The following SUGCT variants were observed in gnomAD, a reference collection of about 807,000 sequenced individuals.
SUGCT encodes the protein succinyl-CoA:glutarate-CoA transferase, also known as succinyl-CoA:glutarate CoA-transferase.
A neutral mutation model predicts 55.0 loss-of-function variants in SUGCT; 41 were observed. The ratio of observed to expected loss-of-function variants is 0.74; its 90% CI spans 0.58 to 0.97. SUGCT has a LOEUF of 0.97. Ranked by LOEUF, SUGCT falls within the 50% of genes least tolerant of loss-of-function variation. The pLI, the probability that SUGCT is intolerant of heterozygous loss-of-function variation, is 0.00. For synonymous variants in SUGCT, 187 were observed against 200.4 expected, an observed-to-expected ratio of 0.93 and a Z score of 0.56; for missense variants, 568 against 547.8, an observed-to-expected ratio of 1.04 and a Z score of -0.37.
chr7:40,983,688 A>G, the SUGCT span, among the ~76,000 whole-genome samples: 1 of 152,202 alleles, frequency 6.6e-6, no homozygotes, highest in South Asian at 2.1e-4. Context: ...AGTGCGGTTT[A>G]TCCACAGTTT....
intron 8 of SUGCT, among the ~76,000 whole-genome samples, chr7:40,314,472 T>C (rs1034077747): frequency 6.7e-6 from 1 of 149,508 alleles, no homozygotes; most frequent in Non-Finnish European, 1.5e-5. Context: ...CATAGCTAGA[T>C]CTGAAAAGAG....
chr7:40,296,127 T>A (rs1241528662), intron 8 of SUGCT, among the ~76,000 whole-genome samples: 1 of 152,214 alleles, frequency 6.6e-6, no homozygotes, highest in Non-Finnish European at 1.5e-5. Context: ...TTTGGGTTGG[T>A]CTTGTCTGAA....
Position 40,237,758 on chromosome 7 carries a change from T to A in SUGCT, c.576+32T>A, listed in dbSNP as rs529386057. 1.7e-5 allele frequency: 27 copies of A among 1,576,484 alleles called. No individual in the cohort carries two copies. The East Asian group carries it at 3.6e-4, about 21-fold the overall frequency. On this transcript the variant is annotated intron_variant, in intron 7 of 13. Coordinates refer to ENST00000335693, the MANE Select transcript of SUGCT (RefSeq NM_001193313.2). ...ATCCTTCCTTAGAATATTCATAATT[T>A]CTTCCCTTACATATTCCAAAAGGAT...
the SUGCT span, among the ~76,000 whole-genome samples, chr7:41,024,453 A>C: frequency 6.6e-6 from 1 of 152,220 alleles, no homozygotes; most frequent in African/African-American, 2.4e-5. Flanking sequence ...CTTAACCAAC[A>C]AAGAATCCAT....
intron 12 of SUGCT, among the ~76,000 whole-genome samples, chr7:40,508,620 C>T (rs1227996421): frequency 1.3e-5 from 2 of 152,022 alleles, no homozygotes; most frequent in Admixed American, 6.6e-5. Context: ...TGGACCCTCA[C>T]CATTCTTACT....
At chr7:40,373,338 T>C (rs563357917) in intron 9 of SUGCT, among the ~76,000 whole-genome samples, 9 of 152,146 alleles carry the variant, frequency 5.9e-5, no homozygotes, top group African/African-American at 1.7e-4. Context: ...CTAGAAAATT[T>C]AGAATCTATA....
chr7:40,583,351 A>G (rs1204180878), intron 12 of SUGCT, among the ~76,000 whole-genome samples: 3 of 152,084 alleles, frequency 2.0e-5, no homozygotes, highest in African/African-American at 7.2e-5. Context: ...CAATTTTAGA[A>G]ACTCTTCTTT....
At chr7:40,560,577 C>T (rs1262457675) in intron 12 of SUGCT, among the ~76,000 whole-genome samples, 2 of 152,194 alleles carry the variant, frequency 1.3e-5, no homozygotes, top group Admixed American at 6.5e-5. Flanking sequence ...AAATCCAATA[C>T]TCCAAGGATC....
the SUGCT span, among the ~76,000 whole-genome samples, chr7:40,890,259 A>G: frequency 7.0e-6 from 1 of 143,768 alleles, no homozygotes; most frequent in African/African-American, 2.5e-5. Context: ...TTATATATTT[A>G]TATTATATAA....
At chr7:40,503,507 C>A (rs973208863) in intron 12 of SUGCT, among the ~76,000 whole-genome samples, 1 of 151,840 alleles carries the variant, frequency 6.6e-6, no homozygotes. Flanking sequence ...ATCAATGAAA[C>A]ATAAAGAAAA....
At chr7:40,457,115 C>T (rs1789532202) in intron 10 of SUGCT, among the ~76,000 whole-genome samples, 1 of 151,616 alleles carries the variant, frequency 6.6e-6, no homozygotes, top group Admixed American at 6.6e-5. Flanking sequence ...AGAGCCCTCC[C>T]TCCTTTCTTT....
At chr7:40,180,460 A>G (rs1785134560) in intron 1 of SUGCT, among the ~76,000 whole-genome samples, 1 of 151,606 alleles carries the variant, frequency 6.6e-6, no homozygotes, top group Non-Finnish European at 1.5e-5. Flanking sequence ...GGCTCATTTC[A>G]AGGACAGAAT....
the SUGCT span, among the ~76,000 whole-genome samples, chr7:40,998,575 C>G: frequency 6.6e-6 from 1 of 152,210 alleles, no homozygotes; most frequent in Non-Finnish European, 1.5e-5. Flanking sequence ...TTTCTGAGTG[C>G]TGGCTTATTG....
the SUGCT span, among the ~76,000 whole-genome samples, chr7:40,985,810 A>G: frequency 3.1e-3 from 468 of 152,318 alleles, 4 homozygotes; most frequent in African/African-American, 0.011. Context: ...GGACAGAAGG[A>G]TTAGGGCAAA....
chr7:41,002,500 G>C, the SUGCT span, among the ~76,000 whole-genome samples: 1 of 152,152 alleles, frequency 6.6e-6, no homozygotes, highest in Non-Finnish European at 1.5e-5. Context: ...AGAAGGGTGA[G>C]AAATCGTTGC....
chr7:40,227,043 C>CTTTTTT (rs35073564), intron 6 of SUGCT, among the ~76,000 whole-genome samples: 11 of 96,242 alleles, frequency 1.1e-4, no homozygotes, highest in Non-Finnish European at 1.4e-4. Context: ...TTTAATAGAT[C>CTTTTTT]TTTTTTTTTT....
chr7:40,995,901 C>A, the SUGCT span, among the ~76,000 whole-genome samples: 1 of 152,090 alleles, frequency 6.6e-6, no homozygotes, highest in Non-Finnish European at 1.5e-5. Context: ...TGAAAAGGGA[C>A]TAACTTTGTT....
intron 13 of SUGCT, among the ~76,000 whole-genome samples, chr7:40,760,713 C>T (rs1306070301): frequency 2.1e-4 from 32 of 151,718 alleles, no homozygotes; most frequent in Non-Finnish European, 1.0e-4. Flanking sequence ...ACAAAATAGG[C>T]TAGAATGGAG....
chr7:40,241,215 C>G (rs1789360128), intron 7 of SUGCT, among the ~76,000 whole-genome samples: 1 of 152,142 alleles, frequency 6.6e-6, no homozygotes, highest in African/African-American at 2.4e-5. Flanking sequence ...TGAAAAAACT[C>G]AAAGTGCAAC....
Sources: gnomAD v4.1 joint callset for allele counts (sites outside exome capture counted in the v4.1 genomes callset) on GRCh38, gnomAD v4.1.1 for gene constraint, MANE v1.5 for transcripts, NCBI Gene and HGNC (gene_info 2026-07-23, HGNC 2026-07-21) for gene names.